UBXN7: variants seen among roughly 807,000 people sequenced by gnomAD.
UBXN7 encodes UBX domain protein 7, also known as UBX domain-containing protein 7.
UBXN7 carries 9 observed loss-of-function variants against 58.0 expected under a neutral mutation model. The observed-to-expected ratio is 0.16, with a 90% confidence interval of 0.09 to 0.27. The LOEUF is 0.27. Ranked by LOEUF, UBXN7 falls within the 10% of genes least tolerant of loss-of-function variation. UBXN7 has a pLI of 1.00. For synonymous variants in UBXN7, 208 were observed against 205.0 expected (o/e 1.01, Z -0.12); for missense variants, 328 against 599.6 (o/e 0.55, Z 4.73).
chr3:196,418,208 G>C (rs952485433), intron 1 of UBXN7, among the ~76,000 whole-genome samples: 2 of 151,846 alleles, frequency 1.3e-5, no homozygotes, highest in African/African-American at 4.8e-5. Context: ...CTGCACTCCA[G>C]CCTGGGCGAC....
intron 3 of UBXN7, among the ~76,000 whole-genome samples, chr3:196,398,179 T>G (rs1162868932): frequency 6.6e-6 from 1 of 152,248 alleles, no homozygotes; most frequent in Non-Finnish European, 1.5e-5. Flanking sequence ...TGAATGAGTT[T>G]AGGAGATCCT....
chr3:196,359,931 A>C (rs1728461077), intron 10 of UBXN7, among the ~76,000 whole-genome samples: 1 of 152,126 alleles, frequency 6.6e-6, no homozygotes, highest in African/African-American at 2.4e-5. Flanking sequence ...AAAGAAAGCA[A>C]AACAGCCTTA....
intron 2 of UBXN7, 84 bp downstream of exon 2, chr3:196,407,162 A>C: frequency 6.5e-7 from 1 of 1,528,752 alleles, no homozygotes; most frequent in Non-Finnish European, 8.8e-7. Context: ...TTTCAAAACC[A>C]GAGAATCGAC....
In UBXN7 at chr3:196,354,113, C is replaced by T. The variant is rs775912732; in HGVS notation, c.*2572G>A. Reference sequence around the variant, plus strand: ...ACAATCCGTAACTCTTCCCATGGGCCTTTATATCAACCCTAAGATAATTAC... The same window carrying T: ...ACAATCCGTAACTCTTCCCATGGGCTTTTATATCAACCCTAAGATAATTAC... On this transcript the variant is annotated 3_prime_UTR_variant, in exon 11 of 11. Transcript: ENST00000296328. 7 of 152,062 alleles carry T rather than the reference C, an allele frequency of 4.6e-5. No homozygotes were observed. The highest frequency in any genetic ancestry group is 1.7e-4 in the African/African-American group (7 of 41,388). 9.4% of individuals were successfully genotyped at this position (152,062 alleles called of 1,614,324 possible).
At chr3:196,402,221 A>T (rs1282917876) in intron 3 of UBXN7, among the ~76,000 whole-genome samples, 1 of 152,072 alleles carries the variant, frequency 6.6e-6, no homozygotes, top group African/African-American at 2.4e-5. Context: ...GGATTTTGAC[A>T]TGTTGGCTAG....
Position 196,347,996 on chromosome 3 carries a change from A to C in UBXN7, c.*8689T>G, listed in dbSNP as rs932996265. On this transcript the variant is annotated 3_prime_UTR_variant, in exon 11 of 11. Transcript: ENST00000296328. ...ATCCTCCTTCTGGAAATTATTACCT[A>C]TAGACTAGGTAGATCTATAGGTAGA... 6.6e-6 allele frequency: 1 copy of C among 152,152 alleles called. No homozygotes were observed. Among genetic ancestry groups the C allele is most frequent in the East Asian group, 1.9e-4 (1 of 5,198 alleles). The allele number at this position is 152,152 out of a possible 1,614,324, so 9.4% of individuals were successfully genotyped here. A position where few individuals can be genotyped will look rare whatever the true frequency, so the allele number is the denominator to read the frequency against.
chr3:196,421,645 C>T (rs1730690575), intron 1 of UBXN7, among the ~76,000 whole-genome samples: 1 of 151,882 alleles, frequency 6.6e-6, no homozygotes, highest in African/African-American at 2.4e-5. Context: ...GGTGTGGTGG[C>T]AGGCGCCTGT....
intron 5 of UBXN7, among the ~76,000 whole-genome samples, chr3:196,378,751 A>G (rs28699604): frequency 1.3e-4 from 19 of 149,960 alleles, no homozygotes; most frequent in Admixed American, 7.3e-4. Flanking sequence ...GTTTTGGGGG[A>G]TTTTAGCCAG....
At chr3:196,396,387 CCTGT>C (rs1729772463) in intron 3 of UBXN7, among the ~76,000 whole-genome samples, 1 of 134,008 alleles carries the variant, frequency 7.5e-6, no homozygotes, top group Non-Finnish European at 1.6e-5. Context: ...ATACTGACAC[CCTGT>C]CTCTTAAAAA....
intron 2 of UBXN7, among the ~76,000 whole-genome samples, chr3:196,406,989 G>A (rs1730182371): frequency 6.6e-6 from 1 of 152,166 alleles, no homozygotes; most frequent in African/African-American, 2.4e-5. Context: ...TCCTAGCAGA[G>A]CACCACCACA....
At chr3:196,389,667 G>C (rs1460421480) in intron 5 of UBXN7, among the ~76,000 whole-genome samples, 1 of 152,168 alleles carries the variant, frequency 6.6e-6, no homozygotes, top group Non-Finnish European at 1.5e-5. Flanking sequence ...GCTTCCTGAG[G>C]CCTCACCAGA....
At chr3:196,376,559 A>C (rs539871723) in intron 5 of UBXN7, among the ~76,000 whole-genome samples, 2 of 150,740 alleles carry the variant, frequency 1.3e-5, no homozygotes, top group Non-Finnish European at 3.0e-5. Flanking sequence ...AAAAAAAAAA[A>C]AAAAAAAAAG....
At position 196,354,774 on chromosome 3, in the gene UBXN7, G is replaced by A. The variant is rs567473636; in HGVS notation, c.*1911C>T. The A allele has an allele frequency of 3.3e-5, 5 of 152,012 alleles. No homozygotes were observed. The highest frequency in any genetic ancestry group is 1.3e-4 in the Admixed American group (2 of 15,264). 9.4% of individuals were successfully genotyped at this position (152,012 alleles called of 1,614,324 possible). A position where few individuals can be genotyped will look rare whatever the true frequency, so the allele number is the denominator to read the frequency against. ...AGAACCTAAGAAAAAACACCAAAGT[G>A]TAAGTATTACTCAGTCACCAATCTA... On this transcript the variant is annotated 3_prime_UTR_variant, in exon 11 of 11. Coordinates refer to ENST00000296328, the MANE Select transcript of UBXN7 (RefSeq NM_015562.2).
chr3:196,425,661 T>C (rs927724961), intron 1 of UBXN7, among the ~76,000 whole-genome samples: 4 of 152,190 alleles, frequency 2.6e-5, no homozygotes, highest in Non-Finnish European at 4.4e-5. Flanking sequence ...CATTTATCTC[T>C]TGAGGTCCAT....
intron 10 of UBXN7, among the ~76,000 whole-genome samples, chr3:196,357,925 G>A (rs531204548): frequency 3.3e-5 from 5 of 151,672 alleles, no homozygotes; most frequent in African/African-American, 4.9e-5. Flanking sequence ...CCCAGCTACC[G>A]GGAAGGTCAA....
chr3:196,374,631 A>G (rs993603535), intron 5 of UBXN7, among the ~76,000 whole-genome samples: 4 of 151,294 alleles, frequency 2.6e-5, no homozygotes, highest in South Asian at 2.1e-4. Flanking sequence ...CTGCAATCCC[A>G]GCACTTTGGG....
chr3:196,382,833 T>C (rs1364167110), intron 5 of UBXN7, among the ~76,000 whole-genome samples: 2 of 152,100 alleles, frequency 1.3e-5, no homozygotes, highest in Admixed American at 6.6e-5. Context: ...ATGCAGGGGT[T>C]GGCCGGGCAC....
intron 5 of UBXN7, among the ~76,000 whole-genome samples, chr3:196,385,035 G>T (rs960593686): frequency 3.3e-5 from 5 of 152,106 alleles, no homozygotes; most frequent in Non-Finnish European, 7.4e-5. Flanking sequence ...CCTTTGCACG[G>T]TCTCCCTCTG....
intron 1 of UBXN7, among the ~76,000 whole-genome samples, chr3:196,412,503 C>T (rs756155201): frequency 5.3e-5 from 8 of 151,958 alleles, no homozygotes; most frequent in East Asian, 1.9e-4. Context: ...AATGGTACAA[C>T]GAGGGTGGAA....
Sources: gnomAD v4.1 joint callset for allele counts (sites outside exome capture counted in the v4.1 genomes callset) on GRCh38, gnomAD v4.1.1 for gene constraint, MANE v1.5 for transcripts, NCBI Gene and HGNC (gene_info 2026-07-23, HGNC 2026-07-21) for gene names.